Variants in DZANK1 observed in about 807,000 individuals in gnomAD.
The protein encoded by DZANK1 is double zinc ribbon and ankyrin repeat-containing protein 1.
DZANK1 carries 91 observed loss-of-function variants against 94.5 expected under a neutral mutation model. The ratio of observed to expected loss-of-function variants is 0.96; its 90% CI spans 0.81 to 1.15. DZANK1 has a LOEUF of 1.15. DZANK1 is among the 50% of genes most tolerant of loss of function. The pLI, the probability that DZANK1 is intolerant of heterozygous loss-of-function variation, is 0.00. For missense variants in DZANK1, 903 were observed against 916.4 expected, an observed-to-expected ratio of 0.99 and a Z score of 0.19; for synonymous variants, 312 against 325.3, an observed-to-expected ratio of 0.96 and a Z score of 0.44.
exon 19 of DZANK1, chr20:18,389,774 C>A (rs750410706): frequency 6.8e-6 from 11 of 1,613,906 alleles, no homozygotes; most frequent in Non-Finnish European, 9.3e-6. Context: ...TTATTCATAA[C>A]AGCCACGGTT....
intron 8 of DZANK1, among the ~76,000 whole-genome samples, chr20:18,435,196 G>A (rs777359850): frequency 2.0e-5 from 3 of 152,194 alleles, no homozygotes; most frequent in Non-Finnish European, 4.4e-5. Context: ...AGGGAGTGGA[G>A]GCTTTCCTGG....
chr20:18,451,490 T>C (rs377578302), intron 6 of DZANK1, among the ~76,000 whole-genome samples: 15 of 152,320 alleles, frequency 9.8e-5, no homozygotes, highest in East Asian at 7.7e-4. Flanking sequence ...TTCTCTTCAC[T>C]TTCTGTTCAG....
At chr20:18,404,295 G>T (rs560165525) in intron 13 of DZANK1, among the ~76,000 whole-genome samples, 6 of 152,128 alleles carry the variant, frequency 3.9e-5, no homozygotes, top group Admixed American at 2.0e-4. Flanking sequence ...CCCAGGTCAT[G>T]GTTGAAAACA....
At chr20:18,456,103 T>C (rs549988164) in intron 3 of DZANK1, among the ~76,000 whole-genome samples, 3 of 152,324 alleles carry the variant, frequency 2.0e-5, no homozygotes, top group Non-Finnish European at 4.4e-5. Flanking sequence ...ACATTCATCA[T>C]AAAGATATCA....
chr20:18,452,795 A>G lies in DZANK1; in HGVS notation c.476-113T>C, dbSNP rs1159314482. 5 of 1,487,954 alleles carry G rather than the reference A, an allele frequency of 3.4e-6. No homozygotes were observed. In the East Asian group the frequency reaches 1.2e-4, roughly 37 times the overall value. The allele number at this position is 1,487,954 out of a possible 1,614,324, so 92.2% of individuals were successfully genotyped here. A position where few individuals can be genotyped will look rare whatever the true frequency, so the allele number is the denominator to read the frequency against. On this transcript the variant is annotated intron_variant, in intron 5 of 20. Transcript: ENST00000262547. ...AGCATCTGTAATTATACATAATCAT[A>G]CAAAGATATCTTCACAGCGGGAGAC... is the stretch of plus-strand genomic sequence containing the variant.
At chr20:18,448,638 G>A (rs1022008198) in intron 7 of DZANK1, among the ~76,000 whole-genome samples, 6 of 152,126 alleles carry the variant, frequency 3.9e-5, no homozygotes, top group African/African-American at 1.2e-4. Flanking sequence ...GGAGACCGAG[G>A]TGGGCAGATC....
At position 18,394,599 on chromosome 20, in the gene DZANK1, G is replaced by T. The variant is rs556322653; in HGVS notation, c.1612-249C>A. 10 of 658,960 alleles carry T rather than the reference G, an allele frequency of 1.5e-5. No individual in the cohort carries two copies. The African/African-American group carries it at 1.8e-4, about 12-fold the overall frequency. The allele number at this position is 658,960 out of a possible 1,614,324, so 40.8% of individuals were successfully genotyped here. On this transcript the variant is annotated intron_variant, in intron 15 of 20. Coordinates refer to ENST00000262547, the Ensembl canonical transcript of DZANK1. ...CCCTCCCTGAAGCCCCAGCCCCCTC[G>T]TCTCACATTGGGACCATCACAATAG... is the stretch of plus-strand genomic sequence containing the variant.
chr20:18,408,721 A>G (rs2057082941), intron 13 of DZANK1, among the ~76,000 whole-genome samples: 1 of 152,256 alleles, frequency 6.6e-6, no homozygotes, highest in Admixed American at 6.5e-5. Flanking sequence ...AAGAAAAGCT[A>G]AGGAATTTCA....
At chr20:18,458,418 A>G (rs2059363187) in intron 3 of DZANK1, among the ~76,000 whole-genome samples, 1 of 152,222 alleles carries the variant, frequency 6.6e-6, no homozygotes, top group Non-Finnish European at 1.5e-5. Context: ...ATTTCTAAAT[A>G]CTGTCACTCA....
At chr20:18,411,355 T>C (rs2057247952) in intron 13 of DZANK1, among the ~76,000 whole-genome samples, 1 of 152,020 alleles carries the variant, frequency 6.6e-6, no homozygotes, top group African/African-American at 2.4e-5. Flanking sequence ...TAAAAGAGTA[T>C]CACAAACAAC....
chr20:18,418,200 G>A (rs1193717439), intron 10 of DZANK1, among the ~76,000 whole-genome samples: 5 of 152,062 alleles, frequency 3.3e-5, no homozygotes, highest in African/African-American at 7.2e-5. Context: ...AGTTCCCATC[G>A]TCACAGTTTT....
chr20:18,388,945 C>A (rs560262033), intron 19 of DZANK1, among the ~76,000 whole-genome samples: 1 of 152,158 alleles, frequency 6.6e-6, no homozygotes, highest in Non-Finnish European at 1.5e-5. Flanking sequence ...ACCTTGACCT[C>A]GCCTTAGTAA....
chr20:18,386,712 T>C (rs55713463), intron 19 of DZANK1, among the ~76,000 whole-genome samples: 59,045 of 151,950 alleles, frequency 0.39, 12,936 homozygotes, highest in Non-Finnish European at 0.5. Flanking sequence ...AGAAAGAGAA[T>C]AGAAAAATGG....
chr20:18,414,277 G>A, intron 12 of DZANK1, 71 bp downstream of exon 12: 1 of 1,554,056 alleles, frequency 6.4e-7, no homozygotes, highest in Non-Finnish European at 8.7e-7. Context: ...TTGATTCACA[G>A]GGTGGAGCAC....
At chr20:18,414,199 G>T in intron 12 of DZANK1, 149 bp downstream of exon 12, 1 of 878,416 alleles carries the variant, frequency 1.1e-6, no homozygotes, top group African/African-American at 1.7e-5. Context: ...TAAATTGACT[G>T]CATTTATTTA....
chr20:18,406,390 C>T (rs59731339), intron 13 of DZANK1, among the ~76,000 whole-genome samples: 16,304 of 152,218 alleles, frequency 0.11, 954 homozygotes, highest in East Asian at 0.16. Flanking sequence ...AAGGCAGAGC[C>T]GTAAGGCCCC....
chr20:18,389,709 C>T (rs1224401671), exon 19 of DZANK1: 8 of 1,613,892 alleles, frequency 5.0e-6, no homozygotes, highest in Non-Finnish European at 6.8e-6. Flanking sequence ...ACGGCCCCCA[C>T]TGCTGGTCGA....
chr20:18,392,788 A>G (rs979896970), intron 17 of DZANK1, among the ~76,000 whole-genome samples: 3 of 151,906 alleles, frequency 2.0e-5, no homozygotes, highest in African/African-American at 7.3e-5. Flanking sequence ...TGACAGGGAA[A>G]CCAAACCAAA....
intron 10 of DZANK1, among the ~76,000 whole-genome samples, chr20:18,418,552 T>C (rs1425307609): frequency 1.3e-5 from 2 of 152,226 alleles, no homozygotes; most frequent in Non-Finnish European, 2.9e-5. Context: ...ATTATGAATG[T>C]TCAGCTGTGG....
Sources: gnomAD v4.1 joint callset for allele counts (sites outside exome capture counted in the v4.1 genomes callset) on GRCh38, gnomAD v4.1.1 for gene constraint, MANE v1.5 for transcripts, NCBI Gene and HGNC (gene_info 2026-07-23, HGNC 2026-07-21) for gene names.